The following DST variants were observed in gnomAD, a reference collection of about 807,000 sequenced individuals.
DST encodes the protein dystonin, also known as bullous pemphigoid antigen.
A neutral mutation model predicts 875.2 loss-of-function variants in DST; 253 were observed. That is an observed-to-expected ratio of 0.29 (90% CI 0.26 to 0.32). The LOEUF (loss-of-function observed/expected upper bound fraction) is 0.32, where lower values mean the gene tolerates loss of function less well. DST is among the 10% of genes least tolerant of loss of function. The pLI, the probability that DST is intolerant of heterozygous loss-of-function variation, is 1.00. For synonymous variants in DST, 3,124 were observed against 3,197.1 expected (o/e 0.98, Z 0.77); for missense variants, 8,287 against 9,111.6 (o/e 0.91, Z 3.68).
chr6:56,766,045 G>A (rs149152191), intron 4 of DST, among the ~76,000 whole-genome samples: 1 of 152,272 alleles, frequency 6.6e-6, no homozygotes, highest in East Asian at 1.9e-4. Flanking sequence ...TTACACTACA[G>A]CCTCATGGGA....
intron 2 of DST, among the ~76,000 whole-genome samples, chr6:56,905,118 T>C (rs1056302217): frequency 6.6e-6 from 1 of 152,186 alleles, no homozygotes; most frequent in African/African-American, 2.4e-5. Flanking sequence ...CATTAGGTGA[T>C]GGACACTTGG....
intron 55 of DST, 39 bp from the exon 56 acceptor site, chr6:56,562,239 A>AGCT: frequency 7.1e-7 from 1 of 1,411,870 alleles, no homozygotes; most frequent in Non-Finnish European, 9.6e-7. Flanking sequence ...ACAGTTTCAT[A>AGCT]GTATTTCTAT....
chr6:56,623,996 A>C (rs1025718036), intron 36 of DST, among the ~76,000 whole-genome samples: 15 of 151,918 alleles, frequency 9.9e-5, no homozygotes, highest in African/African-American at 3.6e-4. Flanking sequence ...CAAAAAAAAA[A>C]CAACAAAAAA....
Position 56,831,942 on chromosome 6 carries a change from T to C in DST, c.625+19455A>G, listed in dbSNP as rs144319097. On this transcript the variant is annotated intron_variant, in intron 4 of 103. Coordinates refer to ENST00000680361, the MANE Select transcript of DST (RefSeq NM_001374736.1). ...CTTGAATGCTTTCAAAAAATGCTAA[T>C]TATAAAAGTATTTCATTCCATTTAC... 1.8e-3 allele frequency among the ~76,000 whole-genome samples: 267 copies of C among 152,304 alleles called. 2 individuals carry two copies. The highest frequency in any genetic ancestry group is 1.4e-3 in the East Asian group (7 of 5,176).
chr6:56,462,941 G>A (rs983266616), intron 102 of DST, 105 bp downstream of exon 102: 1 of 611,980 alleles, frequency 1.6e-6, no homozygotes, highest in African/African-American at 1.8e-5. Flanking sequence ...AAAAGACATA[G>A]GGTTAGCAAA....
At chr6:56,870,636 A>G (rs1171644605) in intron 3 of DST, among the ~76,000 whole-genome samples, 1 of 151,740 alleles carries the variant, frequency 6.6e-6, no homozygotes, top group East Asian at 1.9e-4. Context: ...GGTGGCAGGC[A>G]CCTGTAATCC....
Position 56,471,378 on chromosome 6 carries a change from C to T in DST, c.22159-110G>A, listed in dbSNP as rs934897253. 7.8e-6 allele frequency: 6 copies of T among 769,828 alleles called. No individual in the cohort carries two copies. In the South Asian group the frequency reaches 1.5e-4, roughly 19 times the overall value. The allele number at this position is 769,828 out of a possible 1,614,324, so 47.7% of individuals were successfully genotyped here. A position where few individuals can be genotyped will look rare whatever the true frequency, so the allele number is the denominator to read the frequency against. On this transcript the variant is annotated intron_variant, in intron 94 of 103. Coordinates refer to ENST00000680361, the MANE Select transcript of DST (RefSeq NM_001374736.1). Reference sequence around the variant, plus strand: ...CTCTAGGTAGTACACATATCCTTCCCATTTCAAAAAGAGGTATGATCTTGC... The same window carrying T: ...CTCTAGGTAGTACACATATCCTTCCTATTTCAAAAAGAGGTATGATCTTGC...
chr6:56,715,704 T>A (rs1193546093), intron 5 of DST, among the ~76,000 whole-genome samples: 1 of 152,202 alleles, frequency 6.6e-6, no homozygotes, highest in Non-Finnish European at 1.5e-5. Context: ...TCATCTATTC[T>A]TCTCAGGGCA....
At chr6:56,789,940 G>A (rs1590421413) in intron 4 of DST, among the ~76,000 whole-genome samples, 1 of 152,144 alleles carries the variant, frequency 6.6e-6, no homozygotes, top group Non-Finnish European at 1.5e-5. Context: ...TTCATACACA[G>A]CAGGAACTCT....
chr6:56,773,695 T>G (rs2099672110), intron 4 of DST, among the ~76,000 whole-genome samples: 1 of 152,178 alleles, frequency 6.6e-6, no homozygotes, highest in African/African-American at 2.4e-5. Context: ...CTCTCTATTT[T>G]TATGATATTT....
intron 4 of DST, among the ~76,000 whole-genome samples, chr6:56,824,040 G>A (rs946195750): frequency 1.1e-4 from 17 of 151,956 alleles, no homozygotes; most frequent in African/African-American, 2.9e-4. Flanking sequence ...CTCTTTCCAC[G>A]GTCTCCCTCT....
intron 5 of DST, among the ~76,000 whole-genome samples, chr6:56,732,760 A>G (rs910296395): frequency 1.3e-5 from 2 of 152,224 alleles, no homozygotes; most frequent in South Asian, 2.1e-4. Context: ...AGTTGAAACA[A>G]TAAGTTAAGA....
intron 4 of DST, among the ~76,000 whole-genome samples, chr6:56,766,731 G>A (rs566624010): frequency 3.3e-5 from 5 of 152,092 alleles, no homozygotes; most frequent in African/African-American, 1.2e-4. Context: ...GGGTTTCACC[G>A]TGTTGGTCAG....
chr6:56,784,201 T>C lies in DST; in HGVS notation c.626-48912A>G, dbSNP rs1335743567. On this transcript the variant is annotated intron_variant, in intron 4 of 103. Coordinates refer to ENST00000680361, the MANE Select transcript of DST (RefSeq NM_001374736.1). ...CTTTGGTGAATGTGACAATTACGTG[T>C]CTTGGAGTTACTCCTCTCAAGGAGT... is the stretch of plus-strand genomic sequence containing the variant. Among the ~76,000 whole-genome samples the C allele has an allele frequency of 2.0e-5, 3 of 152,206 alleles. No homozygotes were observed. The East Asian group carries it at 5.8e-4, about 29-fold the overall frequency.
At chr6:56,821,998 TAG>T (rs1244708163) in intron 4 of DST, among the ~76,000 whole-genome samples, 1 of 152,130 alleles carries the variant, frequency 6.6e-6, no homozygotes, top group Non-Finnish European at 1.5e-5. Context: ...GAGATGTGGA[TAG>T]AGAGTATATT....
At position 56,634,707 on chromosome 6, in the gene DST, C is replaced by G. The variant is rs75315270; in HGVS notation, c.3340-91G>C. 3.6e-3 allele frequency: 5,754 copies of G among 1,602,216 alleles called. 163 individuals are homozygous for G. In the African/African-American group the frequency reaches 0.067, roughly 19 times the overall value. The stretch of plus-strand genomic sequence containing the variant: ...CTGGGATTTTTTTTGTTTTATGAGG[C>G]GGGAAATCTTGATCACTAGTTAGCA... On this transcript the variant is annotated intron_variant, in intron 25 of 103. Coordinates refer to ENST00000680361, the MANE Select transcript of DST (RefSeq NM_001374736.1).
chr6:56,682,266 A>G (rs987966592), intron 9 of DST, among the ~76,000 whole-genome samples: 15 of 152,234 alleles, frequency 9.9e-5, no homozygotes, highest in African/African-American at 3.6e-4. Context: ...TTGATCCCCC[A>G]GGCTCAAGCA....
intron 100 of DST, 95 bp from the exon 101 acceptor site, chr6:56,463,859 G>C: frequency 8.0e-7 from 1 of 1,251,956 alleles, no homozygotes; most frequent in Non-Finnish European, 1.2e-6. Context: ...TGGCACCAGA[G>C]ATCACGTTGA....
chr6:56,748,197 A>G (rs929313431), intron 4 of DST, among the ~76,000 whole-genome samples: 1 of 152,146 alleles, frequency 6.6e-6, no homozygotes, highest in African/African-American at 2.4e-5. Context: ...ATATTCCTAT[A>G]TATGGTTTCA....
Sources: allele counts gnomAD v4.1 joint callset (sites outside exome capture counted in the v4.1 genomes callset), GRCh38; gene constraint gnomAD v4.1.1; transcripts MANE v1.5; gene names NCBI Gene and HGNC (gene_info 2026-07-23, HGNC 2026-07-21).